The following CEP43 variants were observed in gnomAD, a reference collection of about 807,000 sequenced individuals.
The protein encoded by CEP43 is FGFR1 oncogene partner.
In CEP43, 36 loss-of-function variants were observed where a neutral mutation model predicts 52.6. That is an observed-to-expected ratio of 0.68 (90% CI 0.52 to 0.90). The LOEUF is 0.90. CEP43 is among the 40% of genes least tolerant of loss of function. The pLI, the probability that CEP43 is intolerant of heterozygous loss-of-function variation, is 0.00. For synonymous variants in CEP43, 192 were observed against 172.4 expected (o/e 1.11, Z -0.89); for missense variants, 506 against 472.8 (o/e 1.07, Z -0.65).
chr6:167,040,858 G>C lies in CEP43; in HGVS notation c.*880G>C, dbSNP rs901906946. On this transcript the variant is annotated 3_prime_UTR_variant, in exon 13 of 13. Coordinates refer to ENST00000366847, the MANE Select transcript of CEP43 (RefSeq NM_007045.4). ...TAGTAATGGCCTAAGACCATGTTCA[G>C]TTTGACAAGCTTTATATACTGTACA... 9.8e-7 allele frequency: 1 copy of C among 1,024,664 alleles called. No individual in the cohort carries two copies. Among genetic ancestry groups the C allele is most frequent in the African/African-American group, 1.7e-5 (1 of 58,866 alleles). 63.5% of individuals were successfully genotyped at this position (1,024,664 alleles called of 1,614,324 possible). A position where few individuals can be genotyped will look rare whatever the true frequency, so the allele number is the denominator to read the frequency against.
At chr6:167,015,731 T>C (rs887931875) in intron 7 of CEP43, among the ~76,000 whole-genome samples, 8 of 152,204 alleles carry the variant, frequency 5.3e-5, no homozygotes, top group Non-Finnish European at 8.8e-5. Flanking sequence ...TGGCACTTTC[T>C]TCAGGGAAGC....
chr6:166,999,428 G>A lies in CEP43; in HGVS notation c.16G>A (p.Ala6Thr), dbSNP rs539272016. ...GAGAAGCAAGATGGCGGCGACGGCG[G>A]CCGCAGTGGTGGCCGAGGAGGACAC... MAATA[A>T]AVVAEEDTEL... Residue 6 changes from alanine (A) to threonine (T), a missense_variant, in exon 1 of 13, where the codon GCC becomes ACC. Transcript: ENST00000366847. 1.4e-6 allele frequency: 2 copies of A among 1,474,730 alleles called. No individual in the cohort carries two copies. Among genetic ancestry groups the A allele is most frequent in the East Asian group, 3.0e-5 (1 of 33,636 alleles). 91.4% of individuals were successfully genotyped at this position (1,474,730 alleles called of 1,614,324 possible).
intron 9 of CEP43, among the ~76,000 whole-genome samples, chr6:167,025,525 T>C (rs1562530338): frequency 6.6e-6 from 1 of 152,218 alleles, no homozygotes; most frequent in Non-Finnish European, 1.5e-5. Context: ...TTAATTAGCG[T>C]AGTGTTTCAG....
intron 2 of CEP43, among the ~76,000 whole-genome samples, chr6:167,002,883 A>G (rs927597182): frequency 6.6e-5 from 10 of 152,256 alleles, no homozygotes; most frequent in African/African-American, 2.2e-4. Context: ...ACTTTTATCA[A>G]ACTTCATGTA....
chr6:167,036,912 A>G (rs932644689), intron 12 of CEP43: 8 of 252,132 alleles, frequency 3.2e-5, no homozygotes, highest in East Asian at 3.6e-4. Context: ...GGATCAAGCA[A>G]TTCTACCTTA....
chr6:167,009,324 A>C (rs239931), intron 5 of CEP43, among the ~76,000 whole-genome samples: 41,904 of 151,348 alleles, frequency 0.28, 6,728 homozygotes, highest in Admixed American at 0.43. Flanking sequence ...AGCCTGGCCA[A>C]CATAGTGAAA....
At chr6:167,000,914 A>G (rs1185112641) in intron 2 of CEP43, among the ~76,000 whole-genome samples, 1 of 152,220 alleles carries the variant, frequency 6.6e-6, no homozygotes, top group Non-Finnish European at 1.5e-5. Flanking sequence ...CACTTTGCAC[A>G]TATGTGCTCT....
At position 166,999,497 on chromosome 6, in the gene CEP43, G is replaced by T. The variant is rs1347473455; in HGVS notation, c.85G>T (p.Val29Phe). The change falls in exon 1 of 13, where the codon GTC becomes TTC. Residue 29 changes from valine to phenylalanine, a missense_variant. Coordinates refer to ENST00000366847, the MANE Select transcript of CEP43 (RefSeq NM_007045.4). Reference sequence around the variant, plus strand: ...GGTGCAGACGCTGGAGAACAGCGGGGTCCTGAACCGCATCAAGGTGAGGCC... The same window carrying T: ...GGTGCAGACGCTGGAGAACAGCGGGTTCCTGAACCGCATCAAGGTGAGGCC... ...LLVQTLENSG[V>F]LNRIKAELRA... is the part of the protein sequence containing the mutation. 6.8e-7 allele frequency: 1 copy of T among 1,464,690 alleles called. No individual in the cohort carries two copies. Among genetic ancestry groups the T allele is most frequent in the Admixed American group, 2.4e-5 (1 of 41,238 alleles). 90.7% of individuals were successfully genotyped at this position (1,464,690 alleles called of 1,614,324 possible). A position where few individuals can be genotyped will look rare whatever the true frequency, so the allele number is the denominator to read the frequency against.
intron 10 of CEP43, among the ~76,000 whole-genome samples, chr6:167,029,405 A>G (rs1226317669): frequency 2.0e-5 from 3 of 152,148 alleles, no homozygotes; most frequent in African/African-American, 7.2e-5. Context: ...ATTTTTTTGG[A>G]TTTTGAAATG....
Position 167,040,502 on chromosome 6 carries a change from C to T in CEP43, c.*524C>T. 2 of 1,128,324 alleles carry T rather than the reference C, an allele frequency of 1.8e-6. No homozygotes were observed. The highest frequency in any genetic ancestry group is 2.2e-6 in the Non-Finnish European group (2 of 917,248). The allele number at this position is 1,128,324 out of a possible 1,614,324, so 69.9% of individuals were successfully genotyped here. On this transcript the variant is annotated 3_prime_UTR_variant, in exon 13 of 13. Transcript: ENST00000366847. The stretch of plus-strand genomic sequence containing the variant: ...GTATAAGTTAAATTTGATGTGTCAA[C>T]TTTATTTTGTATTTCCTTCCATTTG...
intron 10 of CEP43, 54 bp downstream of exon 10, chr6:167,026,669 G>C: frequency 1.8e-6 from 2 of 1,134,660 alleles, no homozygotes; most frequent in Non-Finnish European, 2.7e-6. Flanking sequence ...TATTTTTAGG[G>C]TAAGGCTGTA....
intron 8 of CEP43, among the ~76,000 whole-genome samples, chr6:167,024,327 G>A (rs571882313): frequency 2.0e-5 from 3 of 152,294 alleles, no homozygotes; most frequent in African/African-American, 7.2e-5. Flanking sequence ...GAGGGTTGTT[G>A]GGCAGTTTTA....
Position 167,048,047 on chromosome 6 carries a change from T to C in CEP43, c.*8069T>C, listed in dbSNP as rs1238262716. 3 of 152,194 alleles carry C rather than the reference T, an allele frequency of 2.0e-5. No individual in the cohort carries two copies. Among genetic ancestry groups the C allele is most frequent in the East Asian group, 3.9e-4 (2 of 5,194 alleles). 9.4% of individuals were successfully genotyped at this position (152,194 alleles called of 1,614,324 possible). On this transcript the variant is annotated 3_prime_UTR_variant, in exon 13 of 13. Coordinates refer to ENST00000366847, the MANE Select transcript of CEP43 (RefSeq NM_007045.4). The stretch of plus-strand genomic sequence containing the variant: ...CTTTATTTAGCTCTGCTTTTAGATA[T>C]CTGCATGATAAAGATGAGTGATCCA...
At position 167,026,592 on chromosome 6, in the gene CEP43, A is replaced by G; in HGVS notation, c.965A>G (p.Asp322Gly). 1 of 1,596,290 alleles carries G rather than the reference A, an allele frequency of 6.3e-7. No homozygotes were observed. The highest frequency in any genetic ancestry group is 8.6e-7 in the Non-Finnish European group (1 of 1,163,760). ...TVLKDLKLIS[D>G]KIGSLGLGTG... is the part of the protein sequence containing the mutation. ...TTGAAAGATCTGAAATTGATCAGTG[A>G]TAAAATTGGATCACTTGGATTAGGT... Residue 322 changes from aspartate to glycine, a missense_variant, in exon 10 of 13, where the codon GAT becomes GGT. Physicochemically the swap from Asp to Gly is moderately conservative, Grantham distance 94. Transcript: ENST00000366847.
chr6:167,000,068 C>T lies in CEP43; in HGVS notation c.111C>T (p.Leu37=), dbSNP rs912768154. The T allele has an allele frequency of 1.2e-6, 2 of 1,611,946 alleles. No individual in the cohort carries two copies. The highest frequency in any genetic ancestry group is 1.7e-5 in the Admixed American group (1 of 59,880). ...SGVLNRIKAE[L]RAAVFLALEE... is the part of the protein sequence containing the mutation. ...CTTAACTTTTTTTTAAGGCTGAACT[C>T]CGAGCAGCTGTGTTTTTAGCACTAG... The change falls in exon 2 of 13, where the codon CTC becomes CTT. Residue 37 remains leucine (L), a synonymous_variant. Coordinates refer to ENST00000366847, the MANE Select transcript of CEP43 (RefSeq NM_007045.4).
At chr6:167,018,771 A>G (rs1583279456) in intron 7 of CEP43, among the ~76,000 whole-genome samples, 1 of 152,202 alleles carries the variant, frequency 6.6e-6, no homozygotes, top group Admixed American at 6.5e-5. Context: ...TCTTCAACTT[A>G]GCCAAATCCA....
At chr6:167,037,502 T>C (rs1385353150) in intron 12 of CEP43, among the ~76,000 whole-genome samples, 1 of 152,224 alleles carries the variant, frequency 6.6e-6, no homozygotes, top group African/African-American at 2.4e-5. Context: ...TTTGTGTAAA[T>C]TGGATTTGAA....
chr6:167,038,124 A>G (rs918793545), intron 12 of CEP43, among the ~76,000 whole-genome samples: 1 of 152,254 alleles, frequency 6.6e-6, no homozygotes, highest in African/African-American at 2.4e-5. Context: ...ATCTATTAAT[A>G]TTTCCTTTCT....
chr6:167,004,322 A>G lies in CEP43; in HGVS notation c.359A>G (p.Glu120Gly). 1 of 1,611,438 alleles carries G rather than the reference A, an allele frequency of 6.2e-7. No homozygotes were observed. Among genetic ancestry groups the G allele is most frequent in the Admixed American group, 1.7e-5 (1 of 59,708 alleles). Residue 120 changes from glutamate (E) to glycine (G), a missense_variant, in exon 5 of 13, where the codon GAA becomes GGA. Coordinates refer to ENST00000366847, the MANE Select transcript of CEP43 (RefSeq NM_007045.4). ...CGAGATTTAGGTATAATTGAAGCAG[A>G]AGGTACTGTGGGTGGACCCTTATTA... ...LARDLGIIEA[E>G]GTVGGPLLLE...
Sources: allele counts gnomAD v4.1 joint callset (sites outside exome capture counted in the v4.1 genomes callset), GRCh38; gene constraint gnomAD v4.1.1; transcripts MANE v1.5; gene names NCBI Gene and HGNC (gene_info 2026-07-23, HGNC 2026-07-21).